The following FAM217A variants were observed in gnomAD, a reference collection of about 807,000 sequenced individuals.
The protein encoded by FAM217A is protein FAM217A.
FAM217A carries 13 observed loss-of-function variants against 18.5 expected under a neutral mutation model. That is an observed-to-expected ratio of 0.70 (90% CI 0.46 to 1.12). FAM217A has a LOEUF of 1.12. Ranked by LOEUF, FAM217A falls within the 50% of genes most tolerant of loss-of-function variation. The probability of loss-of-function intolerance (pLI) is 0.00; values close to 1 mark genes in which losing one functional copy is unlikely to be tolerated. For missense variants in FAM217A, 560 were observed against 575.4 expected (o/e 0.97, Z 0.27); for synonymous variants, 161 against 202.8 (o/e 0.79, Z 1.75).
At position 4,073,270 on chromosome 6, in the gene FAM217A, C is replaced by T. The variant is rs1180189352; in HGVS notation, c.302+5G>A. On this transcript the variant is annotated splice_donor_5th_base_variant and intron_variant, in intron 6 of 6. Coordinates refer to ENST00000274673, the MANE Select transcript of FAM217A (RefSeq NM_173563.3). ...TAGGGTGTTACAAAATAACTACTCG[C>T]TTACCTCTTCTCTATGGTACTTCCT... is the stretch of plus-strand genomic sequence containing the variant. 1 of 1,594,284 alleles carries T rather than the reference C, an allele frequency of 6.3e-7. No homozygotes were observed. Among genetic ancestry groups the T allele is most frequent in the African/African-American group, 1.3e-5 (1 of 74,128 alleles).
chr6:4,070,648 C>G (rs1268861002), intron 6 of FAM217A, among the ~76,000 whole-genome samples: 1 of 152,078 alleles, frequency 6.6e-6, no homozygotes, highest in Admixed American at 6.5e-5. Context: ...TCTTGATATC[C>G]TCTTGTTTCT....
chr6:4,081,082 C>T (rs1226370124), upstream of FAM217A, among the ~76,000 whole-genome samples: 1 of 152,176 alleles, frequency 6.6e-6, no homozygotes, highest in Non-Finnish European at 1.5e-5. Context: ...CATATTCTAT[C>T]TAACAGAGTG....
At chr6:4,072,876 G>A (rs1019279776) in intron 6 of FAM217A, among the ~76,000 whole-genome samples, 1 of 152,148 alleles carries the variant, frequency 6.6e-6, no homozygotes, top group Non-Finnish European at 1.5e-5. Context: ...CCATGCCTCA[G>A]TGTCCTCATC....
chr6:4,083,453 A>G (rs1770431969), upstream of FAM217A, among the ~76,000 whole-genome samples: 1 of 152,032 alleles, frequency 6.6e-6, no homozygotes, highest in African/African-American at 2.4e-5. Context: ...GATATTACCC[A>G]TGCATTTGTC....
Position 4,068,506 on chromosome 6 carries a change from G to C in FAM217A, c.*190C>G, listed in dbSNP as rs1769171847. 1.9e-6 allele frequency: 1 copy of C among 524,590 alleles called. No individual in the cohort carries two copies. The highest frequency in any genetic ancestry group is 1.9e-5 in the African/African-American group (1 of 51,714). 32.5% of individuals were successfully genotyped at this position (524,590 alleles called of 1,614,324 possible). On this transcript the variant is annotated 3_prime_UTR_variant, in exon 7 of 7. Transcript: ENST00000274673. ...AAAGATTGTGAAATATGTCAGTATA[G>C]AAGCCTGTGGGTTTATATATAGACA...
upstream of FAM217A, among the ~76,000 whole-genome samples, chr6:4,083,846 G>A (rs889294352): frequency 5.9e-5 from 9 of 152,110 alleles, no homozygotes; most frequent in South Asian, 4.2e-4. Context: ...GAGCCACTGT[G>A]CCCCAGCCTA....
chr6:4,076,046 G>A (rs544180516), intron 2 of FAM217A, among the ~76,000 whole-genome samples: 11 of 151,132 alleles, frequency 7.3e-5, no homozygotes, highest in African/African-American at 2.7e-4. Flanking sequence ...GAGGGTGAGG[G>A]CCGGGCGCAG....
At chr6:4,074,689 C>T (rs1433740843) in intron 2 of FAM217A, 28 bp from the exon 3 acceptor site, 77 of 1,498,586 alleles carry the variant, frequency 5.1e-5, no homozygotes, top group Non-Finnish European at 7.1e-5. Context: ...TTAGGATAAA[C>T]TTAACATTAA....
At chr6:4,084,854 A>G in intron 1 of FAM217A, 1 of 697,058 alleles carries the variant, frequency 1.4e-6, no homozygotes, top group Non-Finnish European at 2.6e-6. Context: ...AAAGTCATGA[A>G]TAAAAGATCA....
Position 4,069,301 on chromosome 6 carries a change from G to C in FAM217A, c.922C>G (p.Leu308Val). ...HMTIQKERPR[L>V]QTTFCTPAVT... is the part of the protein sequence containing the mutation. ...GCTGGAGTACAGAAAGTCGTTTGTA[G>C]TCTTGGCCTCTCTTTTTGAATAGTC... Residue 308 changes from leucine to valine, a missense_variant, in exon 7 of 7, where the codon CTA (leucine) becomes GTA (valine). Transcript: ENST00000274673. 6.2e-7 allele frequency: 1 copy of C among 1,614,180 alleles called. No homozygotes were observed.
chr6:4,072,907 T>C (rs557967211), intron 6 of FAM217A, among the ~76,000 whole-genome samples: 10 of 152,358 alleles, frequency 6.6e-5, no homozygotes, highest in African/African-American at 1.7e-4. Context: ...GGATGATAAC[T>C]ACCTTCCTTA....
upstream of FAM217A, chr6:4,079,258 T>G: frequency 5.7e-6 from 1 of 175,150 alleles, no homozygotes; most frequent in Non-Finnish European, 1.2e-5. Context: ...GCGGAGCCTC[T>G]CGGGGGTCAC....
chr6:4,077,172 C>T (rs1035391478), intron 2 of FAM217A, among the ~76,000 whole-genome samples, 183 bp downstream of exon 2: 12 of 152,176 alleles, frequency 7.9e-5, no homozygotes, highest in African/African-American at 2.9e-4. Context: ...CTAATTTTCC[C>T]TTTGTTAAAA....
At chr6:4,080,728 G>A (rs953018014), upstream of FAM217A, among the ~76,000 whole-genome samples, 15 of 152,146 alleles carry the variant, frequency 9.9e-5, 1 homozygote, top group African/African-American at 2.9e-4. Flanking sequence ...CAAGCACATC[G>A]GACATTTTAC....
At chr6:4,069,950 TTTA>T (rs763069230) in intron 6 of FAM217A, 30 bp from the exon 7 acceptor site, 5 of 1,417,492 alleles carry the variant, frequency 3.5e-6, no homozygotes, top group Non-Finnish European at 4.8e-6. Context: ...TAATGAATGG[TTTA>T]TTGACTAGAA....
At chr6:4,085,099 A>G (rs1770558049) in intron 1 of FAM217A, among the ~76,000 whole-genome samples, 1 of 152,188 alleles carries the variant, frequency 6.6e-6, no homozygotes. Flanking sequence ...AAAATACACA[A>G]TGAAAGCATT....
In FAM217A at chr6:4,078,983, CAA is replaced by C. The variant is rs944021993; in HGVS notation, c.-168_-167del. The C allele has an allele frequency of 4.0e-6, 2 of 496,156 alleles. No individual in the cohort carries two copies. Among genetic ancestry groups the C allele is most frequent in the African/African-American group, 2.0e-5 (1 of 49,096 alleles). 30.7% of individuals were successfully genotyped at this position (496,156 alleles called of 1,614,324 possible). A position where few individuals can be genotyped will look rare whatever the true frequency, so the allele number is the denominator to read the frequency against. On this transcript the variant is annotated 5_prime_UTR_variant, in exon 1 of 7. Transcript: ENST00000274673. Reference sequence around the variant, plus strand: ...CCGCGGCCTTCCTGCAGCGGGGGGACAAAGAGGGCGGCGGGCGGCTGGCGGCC... The same window carrying C: ...CCGCGGCCTTCCTGCAGCGGGGGGACAGAGGGCGGCGGGCGGCTGGCGGCC...
intron 1 of FAM217A, among the ~76,000 whole-genome samples, chr6:4,086,149 AAG>A (rs1447886491): frequency 6.6e-6 from 1 of 151,726 alleles, no homozygotes; most frequent in Non-Finnish European, 1.5e-5. Flanking sequence ...AAAAGGAAAA[AAG>A]AGAAAAGAAA....
upstream of FAM217A, among the ~76,000 whole-genome samples, chr6:4,082,600 C>G (rs1292211223): frequency 6.6e-6 from 1 of 152,174 alleles, no homozygotes; most frequent in Non-Finnish European, 1.5e-5. Flanking sequence ...GTGGCCCATA[C>G]CCAGAAGGAA....
Sources: gnomAD v4.1 joint callset for allele counts (sites outside exome capture counted in the v4.1 genomes callset) on GRCh38, gnomAD v4.1.1 for gene constraint, MANE v1.5 for transcripts, NCBI Gene and HGNC (gene_info 2026-07-23, HGNC 2026-07-21) for gene names.